LRRC4C: variants seen among roughly 807,000 people sequenced by gnomAD.
LRRC4C encodes the protein leucine rich repeat containing 4C.
LRRC4C carries 5 observed loss-of-function variants against 33.6 expected under a neutral mutation model. The ratio of observed to expected loss-of-function variants is 0.15; its 90% confidence interval spans 0.08 to 0.31. LRRC4C has a LOEUF of 0.31. LRRC4C is among the 10% of genes least tolerant of loss of function. The pLI is 1.00. For missense variants in LRRC4C, 560 were observed against 796.7 expected (o/e 0.70, Z 3.58); for synonymous variants, 329 against 302.0 (o/e 1.09, Z -0.93).
intron 3 of LRRC4C, among the ~76,000 whole-genome samples, chr11:40,521,006 G>A (rs1014399278): frequency 7.9e-5 from 12 of 151,560 alleles, no homozygotes; most frequent in Admixed American, 2.0e-4. Flanking sequence ...CAAATCCATT[G>A]CTTAAAAAAA....
intron 3 of LRRC4C, among the ~76,000 whole-genome samples, chr11:40,578,139 CGGTTTT>C (rs1958286492): frequency 1.6e-4 from 1 of 6,152 alleles, no homozygotes; most frequent in Non-Finnish European, 2.9e-4. Flanking sequence ...TTTTTTTTTT[CGGTTTT>C]TTTTTTTTTT....
At chr11:40,520,259 C>A (rs114781564) in intron 3 of LRRC4C, among the ~76,000 whole-genome samples, 2,087 of 152,276 alleles carry the variant, frequency 0.014, 54 homozygotes, top group African/African-American at 0.047. Context: ...TAATTCTCTT[C>A]AATAACTTTT....
chr11:41,427,893 T>A (rs1422455077), intron 1 of LRRC4C, among the ~76,000 whole-genome samples: 3 of 152,064 alleles, frequency 2.0e-5, no homozygotes, highest in Non-Finnish European at 4.4e-5. Flanking sequence ...TCAGCCTGGC[T>A]CAAAAGCTCC....
chr11:40,505,823 AC>A (rs1955006901), intron 3 of LRRC4C, among the ~76,000 whole-genome samples: 1 of 151,140 alleles, frequency 6.6e-6, no homozygotes, highest in African/African-American at 2.4e-5. Context: ...ATCATTTTTG[AC>A]CTCCCCCCGC....
intron 1 of LRRC4C, among the ~76,000 whole-genome samples, chr11:41,149,510 CAAAAAAAAAAA>C (rs57914595): frequency 3.6e-5 from 2 of 55,522 alleles, no homozygotes; most frequent in African/African-American, 7.1e-5. Flanking sequence ...ACTCCGTCTC[CAAAAAAAAAAA>C]AAAAAAAAAA....
chr11:40,471,881 G>T (rs748270203), intron 3 of LRRC4C, among the ~76,000 whole-genome samples: 1 of 152,084 alleles, frequency 6.6e-6, no homozygotes, highest in African/African-American at 2.4e-5. Context: ...GCACCACATC[G>T]CACTTATTCT....
intron 1 of LRRC4C, among the ~76,000 whole-genome samples, chr11:41,056,596 G>A (rs1858636068): frequency 6.6e-6 from 1 of 152,018 alleles, no homozygotes; most frequent in South Asian, 2.1e-4. Flanking sequence ...TTAAAAGTGG[G>A]CAAAGACATG....
intron 1 of LRRC4C, among the ~76,000 whole-genome samples, chr11:41,251,757 T>C (rs566684855): frequency 2.9e-4 from 44 of 152,226 alleles, no homozygotes; most frequent in Middle Eastern, 6.8e-3. Flanking sequence ...ATTACCAAAG[T>C]AACACAAAAA....
At chr11:40,486,433 T>C (rs1953869356) in intron 3 of LRRC4C, among the ~76,000 whole-genome samples, 1 of 151,990 alleles carries the variant, frequency 6.6e-6, no homozygotes, top group Non-Finnish European at 1.5e-5. Flanking sequence ...AAATAGGAAA[T>C]TATTGTAGGT....
At chr11:40,860,624 A>G (rs1302078290) in intron 2 of LRRC4C, among the ~76,000 whole-genome samples, 2 of 151,986 alleles carry the variant, frequency 1.3e-5, no homozygotes, top group Non-Finnish European at 2.9e-5. Context: ...CTGTCTTCAC[A>G]TGGCTGTCTT....
At chr11:40,575,391 G>GA (rs58076584) in intron 3 of LRRC4C, among the ~76,000 whole-genome samples, 1,666 of 144,034 alleles carry the variant, frequency 0.012, 24 homozygotes, top group African/African-American at 0.027. Flanking sequence ...TTAATTTCAT[G>GA]AAAAAAAAAA....
intron 1 of LRRC4C, among the ~76,000 whole-genome samples, chr11:41,097,454 C>T (rs1444767752): frequency 6.6e-6 from 1 of 152,068 alleles, no homozygotes; most frequent in Non-Finnish European, 1.5e-5. Flanking sequence ...TTGAACACCA[C>T]CCTAGTACAA....
intron 1 of LRRC4C, among the ~76,000 whole-genome samples, chr11:41,178,473 C>T (rs61878620): frequency 0.079 from 12,044 of 152,218 alleles, 485 homozygotes; most frequent in Middle Eastern, 0.12. Context: ...CATGCCTCAG[C>T]CTCCTGAGTA....
chr11:40,336,357 G>A (rs933422637), intron 3 of LRRC4C, among the ~76,000 whole-genome samples: 2 of 152,178 alleles, frequency 1.3e-5, no homozygotes, highest in African/African-American at 4.8e-5. Context: ...TGGCTAATAC[G>A]TATTTCCCAC....
At chr11:40,990,240 T>C (rs1423252999) in intron 1 of LRRC4C, among the ~76,000 whole-genome samples, 1 of 102,364 alleles carries the variant, frequency 9.8e-6, no homozygotes, top group African/African-American at 4.6e-5. Context: ...TTTATATATA[T>C]ATATATATAT....
At chr11:40,291,364 C>G (rs1944179861) in intron 4 of LRRC4C, among the ~76,000 whole-genome samples, 2 of 152,188 alleles carry the variant, frequency 1.3e-5, no homozygotes, top group African/African-American at 4.8e-5. Flanking sequence ...TCTTCTTCAG[C>G]TGCTTTTTCT....
At chr11:40,709,922 CTTCAT>C (rs1469699190) in intron 2 of LRRC4C, among the ~76,000 whole-genome samples, 3 of 152,104 alleles carry the variant, frequency 2.0e-5, no homozygotes, top group Non-Finnish European at 4.4e-5. Context: ...TCTTTTCTCA[CTTCAT>C]TTCATTAATT....
chr11:40,329,768 G>A (rs1247278279), intron 3 of LRRC4C, among the ~76,000 whole-genome samples: 7 of 137,902 alleles, frequency 5.1e-5, no homozygotes, highest in African/African-American at 1.7e-4. Flanking sequence ...TTGAGATGGA[G>A]TCTCAATCTG....
At chr11:40,630,343 T>TCTTCTA in intron 3 of LRRC4C, among the ~76,000 whole-genome samples, 1 of 31,680 alleles carries the variant, frequency 3.2e-5, no homozygotes, top group South Asian at 8.5e-4. Context: ...TTCTTCTTCT[T>TCTTCTA]CTTCTTCTTC....
Sources: allele counts gnomAD v4.1 joint callset (sites outside exome capture counted in the v4.1 genomes callset), GRCh38; gene constraint gnomAD v4.1.1; transcripts MANE v1.5; gene names NCBI Gene and HGNC (gene_info 2026-07-23, HGNC 2026-07-21).